The following SPON1 variants were observed in gnomAD, a reference collection of about 807,000 sequenced individuals.
SPON1 encodes the protein spondin 1, also known as spondin-1.
SPON1 carries 52 observed loss-of-function variants against 111.7 expected under a neutral mutation model. That is an observed-to-expected ratio of 0.47 (90% confidence interval 0.37 to 0.59). The LOEUF (loss-of-function observed/expected upper bound fraction) is 0.59, where lower values mean the gene tolerates loss of function less well. SPON1 is among the 20% of genes least tolerant of loss of function. The probability of loss-of-function intolerance (pLI) is 0.00; values close to 1 mark genes in which losing one functional copy is unlikely to be tolerated. For synonymous variants in SPON1, 410 were observed against 395.8 expected (o/e 1.04, Z -0.43); for missense variants, 957 against 1,068.5 (o/e 0.90, Z 1.46).
chr11:14,028,206 G>A (rs1848533051), intron 2 of SPON1, among the ~76,000 whole-genome samples: 1 of 152,142 alleles, frequency 6.6e-6, no homozygotes, highest in African/African-American at 2.4e-5. Context: ...TCTGTGCCAG[G>A]TTTGGTGGCT....
At chr11:14,124,214 C>T (rs1392981976) in intron 5 of SPON1, among the ~76,000 whole-genome samples, 1 of 152,054 alleles carries the variant, frequency 6.6e-6, no homozygotes, top group East Asian at 1.9e-4. Flanking sequence ...GCACACACTA[C>T]CATGACCTAC....
chr11:14,068,756 ACCCTCCGCTG>A (rs2133826707), intron 3 of SPON1, among the ~76,000 whole-genome samples: 1 of 152,214 alleles, frequency 6.6e-6, no homozygotes, highest in Admixed American at 6.5e-5. Context: ...AGAAATGGCC[ACCCTCCGCTG>A]AGTTGTAGCA....
intron 3 of SPON1, among the ~76,000 whole-genome samples, chr11:14,055,132 T>C (rs1848735510): frequency 6.6e-6 from 1 of 152,230 alleles, no homozygotes; most frequent in Admixed American, 6.5e-5. Context: ...AATCACAATG[T>C]CCCAAAGAAC....
At chr11:14,232,278 T>C (rs1123875) in intron 6 of SPON1, among the ~76,000 whole-genome samples, 125,081 of 151,874 alleles carry the variant, frequency 0.82, 51,652 homozygotes, top group East Asian at 0.89. Flanking sequence ...GTAGCTGTTA[T>C]GTCTGCCTCC....
intron 2 of SPON1, among the ~76,000 whole-genome samples, chr11:14,018,995 T>C (rs1041051889): frequency 4.6e-5 from 7 of 152,160 alleles, no homozygotes; most frequent in African/African-American, 9.7e-5. Flanking sequence ...TGGTGACCAG[T>C]TGGACATGGG....
intron 2 of SPON1, among the ~76,000 whole-genome samples, chr11:14,012,412 T>C (rs1848412589): frequency 6.6e-6 from 1 of 152,098 alleles, no homozygotes; most frequent in African/African-American, 2.4e-5. Flanking sequence ...TCTGGTGAGA[T>C]ACATTGGAGA....
chr11:14,089,783 G>A (rs947953091), intron 5 of SPON1, among the ~76,000 whole-genome samples: 3 of 152,220 alleles, frequency 2.0e-5, no homozygotes, highest in Non-Finnish European at 4.4e-5. Flanking sequence ...CTGTCTCAGG[G>A]AGAGGGGAGT....
At chr11:14,193,894 A>G (rs1256549627) in intron 6 of SPON1, among the ~76,000 whole-genome samples, 1 of 152,186 alleles carries the variant, frequency 6.6e-6, no homozygotes, top group Non-Finnish European at 1.5e-5. Flanking sequence ...GTGGCCACTC[A>G]TGGCTTTCAG....
intron 6 of SPON1, among the ~76,000 whole-genome samples, chr11:14,138,469 G>C (rs1554928395): frequency 6.6e-6 from 1 of 152,094 alleles, no homozygotes; most frequent in African/African-American, 2.4e-5. Flanking sequence ...TGGCAGTAGT[G>C]ACACTAGTGG....
At chr11:14,112,584 C>T (rs1849234404) in intron 5 of SPON1, among the ~76,000 whole-genome samples, 1 of 152,220 alleles carries the variant, frequency 6.6e-6, no homozygotes, top group African/African-American at 2.4e-5. Flanking sequence ...GAGCGCCTAG[C>T]ATATATTCAG....
At chr11:14,261,656 C>A (rs1262829229) in intron 14 of SPON1, among the ~76,000 whole-genome samples, 6 of 152,176 alleles carry the variant, frequency 3.9e-5, no homozygotes, top group African/African-American at 1.2e-4. Flanking sequence ...ACTTGGACCA[C>A]CCACTAGAGA....
At chr11:13,983,288 G>A (rs973271624) in intron 2 of SPON1, among the ~76,000 whole-genome samples, 18 of 152,378 alleles carry the variant, frequency 1.2e-4, no homozygotes, top group African/African-American at 4.3e-4. Context: ...TGATTGACTG[G>A]TTAATTCTCA....
chr11:14,028,357 G>A (rs1312823733), intron 2 of SPON1, among the ~76,000 whole-genome samples: 1 of 151,914 alleles, frequency 6.6e-6, no homozygotes, highest in Non-Finnish European at 1.5e-5. Flanking sequence ...ATGGTGGCGT[G>A]TGCCTGTGGT....
chr11:14,212,202 C>G (rs1382475337), intron 6 of SPON1, among the ~76,000 whole-genome samples: 3 of 151,596 alleles, frequency 2.0e-5, no homozygotes, highest in Admixed American at 6.6e-5. Flanking sequence ...CCGGCCTTGT[C>G]TGTGCTTTGA....
chr11:13,970,184 C>T (rs755368525), intron 1 of SPON1, among the ~76,000 whole-genome samples: 3 of 152,148 alleles, frequency 2.0e-5, no homozygotes, highest in Non-Finnish European at 4.4e-5. Context: ...GTATAAAATG[C>T]CCCACTTTTA....
At chr11:14,088,590 A>G (rs1849025481) in intron 5 of SPON1, among the ~76,000 whole-genome samples, 1 of 151,250 alleles carries the variant, frequency 6.6e-6, no homozygotes, top group Non-Finnish European at 1.5e-5. Flanking sequence ...AACCTTGGTG[A>G]ATCTGACAAT....
At chr11:14,254,872 C>A in intron 8 of SPON1, 143 bp downstream of exon 8, 1 of 778,188 alleles carries the variant, frequency 1.3e-6, no homozygotes, top group African/African-American at 1.7e-5. Flanking sequence ...CGCATCATCA[C>A]ATATGGTGTA....
In SPON1 at chr11:14,135,834, C is replaced by T. The variant is rs1847585187; in HGVS notation, c.825+266C>T. On this transcript the variant is annotated intron_variant, in intron 6 of 15. Coordinates refer to ENST00000576479, the MANE Select transcript of SPON1 (RefSeq NM_006108.4). This position sits in a 1 kb window ranked among gnomAD's most constrained non-coding sequence, Gnocchi z 4.4. ...TGGCCATATTGTTGGGATGCCTTGTCTCTAGTCTCCTGAGAGTCAAAGCCA... is the reference window on the plus strand; with the variant it reads ...TGGCCATATTGTTGGGATGCCTTGTTTCTAGTCTCCTGAGAGTCAAAGCCA... Among the ~76,000 whole-genome samples, 2 of 152,110 alleles carry T rather than the reference C, an allele frequency of 1.3e-5. No individual in the cohort carries two copies. The highest frequency in any genetic ancestry group is 6.5e-5 in the Admixed American group (1 of 15,276).
At chr11:14,066,192 A>T (rs1278295619) in intron 3 of SPON1, among the ~76,000 whole-genome samples, 3 of 152,248 alleles carry the variant, frequency 2.0e-5, no homozygotes, top group African/African-American at 7.2e-5. Flanking sequence ...AAACTGAAAA[A>T]TAAAAGTAAT....
Sources: gnomAD v4.1 joint callset for allele counts (sites outside exome capture counted in the v4.1 genomes callset) on GRCh38, gnomAD v4.1.1 for gene constraint, Gnocchi (gnomAD v3.1) non-coding constraint, MANE v1.5 for transcripts, NCBI Gene and HGNC (gene_info 2026-07-23, HGNC 2026-07-21) for gene names.